The following PPP1R42 variants were observed in gnomAD, a reference collection of about 807,000 sequenced individuals.
PPP1R42 encodes the protein leucine rich repeat containing 67.
Under a neutral mutation model 31.0 loss-of-function variants are expected in PPP1R42, and 34 were observed. The observed-to-expected ratio is 1.10, with a 90% CI of 0.83 to 1.46. The LOEUF (loss-of-function observed/expected upper bound fraction) is 1.46. Among genes scored for constraint, PPP1R42 ranks in the 40% most tolerant of loss-of-function variants. The pLI, the probability that PPP1R42 is intolerant of heterozygous loss-of-function variation, is 0.00. For synonymous variants in PPP1R42, 103 were observed against 109.8 expected (o/e 0.94, Z 0.39); for missense variants, 268 against 303.0 (o/e 0.88, Z 0.86).
rs574867588 is a variant in PPP1R42, at chr8:67,019,727, A to G, written c.-84-1896T>C. 1.8e-4 allele frequency among the ~76,000 whole-genome samples: 27 copies of G among 151,638 alleles called. 1 individual carries two copies. Among genetic ancestry groups the G allele is most frequent in the African/African-American group, 6.5e-4 (27 of 41,416 alleles). On this transcript the variant is annotated intron_variant, in intron 1 of 7. Coordinates refer to ENST00000685739, the MANE Select transcript of PPP1R42 (RefSeq NM_001364910.1). ...CTAACACGGTGAAACCTCTACTAAAAAATACAAAAAATTAGCCAGGCATGG... is the reference window on the plus strand; with the variant it reads ...CTAACACGGTGAAACCTCTACTAAAGAATACAAAAAATTAGCCAGGCATGG...
chr8:66,977,037 CTTTT>C (rs758342244), intron 7 of PPP1R42, among the ~76,000 whole-genome samples: 1 of 132,856 alleles, frequency 7.5e-6, no homozygotes. Flanking sequence ...TTTTGTTTTG[CTTTT>C]TTTTTTTTTT....
intron 4 of PPP1R42, among the ~76,000 whole-genome samples, chr8:67,011,336 G>A (rs778623558): frequency 6.6e-6 from 1 of 152,124 alleles, no homozygotes; most frequent in Non-Finnish European, 1.5e-5. Context: ...GACCAGCCTG[G>A]CCAACATGGT....
chr8:66,984,235 T>TTCCCCCAGTATG, intron 6 of PPP1R42: 1 of 1,502,754 alleles, frequency 6.7e-7, no homozygotes, highest in Non-Finnish European at 9.2e-7. Context: ...TATAGGACAC[T>TTCCCCCAGTATG]GTTTAAACTT....
chr8:66,984,864 C>T (rs1342551822), intron 6 of PPP1R42: 1 of 1,584,854 alleles, frequency 6.3e-7, no homozygotes, highest in Non-Finnish European at 8.7e-7. Context: ...TCTGTGCTTC[C>T]CTCCTTGTCT....
intron 1 of PPP1R42, 35 bp downstream of exon 1, chr8:67,028,456 T>C: frequency 1.0e-6 from 1 of 984,430 alleles, no homozygotes; most frequent in Non-Finnish European, 1.2e-6. Context: ...TAGGGTTTCC[T>C]CGGTCCCCAC....
intron 7 of PPP1R42, among the ~76,000 whole-genome samples, chr8:66,967,712 G>C (rs1461173451): frequency 1.3e-5 from 2 of 152,170 alleles, no homozygotes; most frequent in Non-Finnish European, 2.9e-5. Context: ...AATATTTCCT[G>C]TGAATTATGG....
intron 6 of PPP1R42, chr8:66,986,260 G>C (rs760858580): frequency 3.9e-6 from 2 of 510,602 alleles, no homozygotes; most frequent in African/African-American, 3.9e-5. Context: ...GATAAATTAG[G>C]GAGAAAAGAT....
At position 67,014,318 on chromosome 8, in the gene PPP1R42, ATT is replaced by A. The variant is rs769067972; in HGVS notation, c.296+106_296+107del. 18 of 579,018 alleles carry A rather than the reference ATT, an allele frequency of 3.1e-5. No individual in the cohort carries two copies. In the East Asian group the frequency reaches 5.8e-4, roughly 19 times the overall value. The allele number at this position is 579,018 out of a possible 1,614,324, so 35.9% of individuals were successfully genotyped here. On this transcript the variant is annotated intron_variant, in intron 3 of 7. Coordinates refer to ENST00000685739, the MANE Select transcript of PPP1R42 (RefSeq NM_001364910.1). ...TGAAATCATATCAATTTCATATTGA[ATT>A]TACTTTTGGAATTTAATGCAAAAAA...
At chr8:66,964,707 G>A (rs892552274) in intron 7 of PPP1R42, among the ~76,000 whole-genome samples, 2 of 151,984 alleles carry the variant, frequency 1.3e-5, no homozygotes, top group Non-Finnish European at 2.9e-5. Context: ...ATATATAAAT[G>A]TTTTATATGT....
Position 67,017,749 on chromosome 8 carries a change from ATTTC to A in PPP1R42, c.-6_-3del. 6.3e-7 allele frequency: 1 copy of A among 1,576,940 alleles called. No individual in the cohort carries two copies. The highest frequency in any genetic ancestry group is 1.4e-5 in the African/African-American group (1 of 73,570). On this transcript the variant is annotated 5_prime_UTR_variant, in exon 2 of 8. Transcript: ENST00000685739. ...TAGATCCAAGGTCAGTCGAACCATA[ATTTC>A]TTTATAAATCAAACTCTCAGCAAAA... is the stretch of plus-strand genomic sequence containing the variant.
At chr8:66,983,756 GAA>G (rs1484447912) in intron 6 of PPP1R42, among the ~76,000 whole-genome samples, 2 of 151,888 alleles carry the variant, frequency 1.3e-5, no homozygotes, top group Non-Finnish European at 2.9e-5. Context: ...TTGAAACAAA[GAA>G]TATAAACTAG....
At chr8:67,007,097 C>G (rs2129536764) in intron 5 of PPP1R42, among the ~76,000 whole-genome samples, 1 of 151,418 alleles carries the variant, frequency 6.6e-6, no homozygotes, top group African/African-American at 2.4e-5. Flanking sequence ...AGGCTGGTCT[C>G]AAACCCCTGA....
intron 4 of PPP1R42, among the ~76,000 whole-genome samples, chr8:67,011,951 A>G (rs1815854529): frequency 6.6e-6 from 1 of 152,080 alleles, no homozygotes; most frequent in Non-Finnish European, 1.5e-5. Flanking sequence ...TCCATCCACT[A>G]TCCTCTATTT....
Position 67,017,788 on chromosome 8 carries a change from T to C in PPP1R42, c.-41A>G. The C allele has an allele frequency of 6.5e-7, 1 of 1,531,034 alleles. No individual in the cohort carries two copies. Among genetic ancestry groups the C allele is most frequent in the South Asian group, 1.4e-5 (1 of 72,768 alleles). 94.8% of individuals were successfully genotyped at this position (1,531,034 alleles called of 1,614,324 possible). On this transcript the variant is annotated 5_prime_UTR_variant, in exon 2 of 8. Transcript: ENST00000685739. ...CAAACTCTCAGCAAAAGCTCTGTTT[T>C]GACACCATGTCAAGAAGTAGGTTTA...
chr8:66,973,046 T>C (rs1255515280), intron 7 of PPP1R42, among the ~76,000 whole-genome samples: 1 of 152,224 alleles, frequency 6.6e-6, no homozygotes, highest in Admixed American at 6.5e-5. Context: ...AATGATTAAA[T>C]GCAGTAATGT....
intron 5 of PPP1R42, among the ~76,000 whole-genome samples, chr8:67,007,060 T>G (rs1254763662): frequency 4.6e-5 from 7 of 150,766 alleles, no homozygotes; most frequent in Admixed American, 1.3e-4. Context: ...TTTTTTTTAG[T>G]AGAGACAGAG....
intron 1 of PPP1R42, chr8:67,021,482 GACC>G (rs1335105965): frequency 2.0e-5 from 3 of 151,978 alleles, no homozygotes; most frequent in African/African-American, 4.8e-5. Flanking sequence ...TGACTTTTCA[GACC>G]ACATTTCAAA....
intron 7 of PPP1R42, among the ~76,000 whole-genome samples, chr8:66,964,932 G>T (rs1179770302): frequency 6.6e-6 from 1 of 152,156 alleles, no homozygotes. Flanking sequence ...ACCCTTTGCA[G>T]TCAACCCTTT....
chr8:66,980,879 G>A (rs577433296), intron 7 of PPP1R42, among the ~76,000 whole-genome samples: 11 of 151,582 alleles, frequency 7.3e-5, no homozygotes, highest in African/African-American at 2.7e-4. Context: ...GTCTTGTTCT[G>A]TCGCCCAGGC....
Sources: allele counts gnomAD v4.1 joint callset (sites outside exome capture counted in the v4.1 genomes callset), GRCh38; gene constraint gnomAD v4.1.1; transcripts MANE v1.5; gene names NCBI Gene and HGNC (gene_info 2026-07-23, HGNC 2026-07-21).